AKAP7: variants seen among roughly 807,000 people sequenced by gnomAD.
AKAP7 encodes A-kinase anchoring protein 7, also known as A kinase (PRKA) anchor protein 7.
A neutral mutation model predicts 39.5 loss-of-function variants in AKAP7; 39 were observed. The ratio of observed to expected loss-of-function variants is 0.99; its 90% CI spans 0.76 to 1.29. AKAP7 has a LOEUF of 1.29. Ranked by LOEUF, AKAP7 falls within the 50% of genes most tolerant of loss-of-function variation. The pLI is 0.00. For missense variants in AKAP7, 414 were observed against 407.7 expected (o/e 1.02, Z -0.13); for synonymous variants, 140 against 139.1 (o/e 1.01, Z -0.05).
In AKAP7 at chr6:131,145,293, A is replaced by C; in HGVS notation, c.28A>C (p.Asn10His). The change falls in exon 2 of 8, where the codon AAT becomes CAT. Residue 10 changes from asparagine (N) to histidine (H), a missense_variant. Transcript: ENST00000431975. The stretch of plus-strand genomic sequence containing the variant: ...TTTGTGATATGTTAAAGGAGGAATT[A>C]ATTCCAATGAGTGTGAAAATGTATC... MERPEAGGI[N>H]SNECENVSRK... The C allele has an allele frequency of 6.6e-7, 1 of 1,505,546 alleles. No individual in the cohort carries two copies. 93.3% of individuals were successfully genotyped at this position (1,505,546 alleles called of 1,614,324 possible). A position where few individuals can be genotyped will look rare whatever the true frequency, so the allele number is the denominator to read the frequency against.
intron 7 of AKAP7, among the ~76,000 whole-genome samples, chr6:131,220,048 T>G (rs1038375928): frequency 6.6e-6 from 1 of 152,214 alleles, no homozygotes; most frequent in Non-Finnish European, 1.5e-5. Flanking sequence ...ATAATTATAA[T>G]GAAGTCTGGA....
chr6:131,195,105 TCTC>T (rs1186535619), intron 5 of AKAP7, among the ~76,000 whole-genome samples: 1 of 152,146 alleles, frequency 6.6e-6, no homozygotes, highest in Non-Finnish European at 1.5e-5. Context: ...TTTGTGGTCC[TCTC>T]CTCCTCCTTT....
upstream of AKAP7, among the ~76,000 whole-genome samples, chr6:131,131,754 G>A (rs999033597): frequency 1.3e-5 from 2 of 152,074 alleles, no homozygotes; most frequent in Non-Finnish European, 2.9e-5. Flanking sequence ...CCAAGTAGAA[G>A]GGTGGGGTCA....
rs567017283 is a variant in AKAP7, at chr6:131,187,255, A to T, written c.590-12206A>T. Among the ~76,000 whole-genome samples the T allele has an allele frequency of 1.5e-4, 23 of 152,292 alleles. No homozygotes were observed. In the South Asian group the frequency reaches 4.3e-3, roughly 29 times the overall value. Reference sequence around the variant, plus strand: ...ATGTTGTCCTTCGGTTCATTAAAACAGGCAGGATGTCTTTTCATTTATTTG... The same window carrying T: ...ATGTTGTCCTTCGGTTCATTAAAACTGGCAGGATGTCTTTTCATTTATTTG... On this transcript the variant is annotated intron_variant, in intron 5 of 7. Transcript: ENST00000431975.
At chr6:131,268,757 C>T (rs1435301154) in intron 7 of AKAP7, among the ~76,000 whole-genome samples, 1 of 152,102 alleles carries the variant, frequency 6.6e-6, no homozygotes, top group Non-Finnish European at 1.5e-5. Context: ...TTCTCATGAG[C>T]AGGTGTGTTG....
At chr6:131,256,593 G>C (rs996476628) in intron 7 of AKAP7, among the ~76,000 whole-genome samples, 5 of 152,076 alleles carry the variant, frequency 3.3e-5, no homozygotes, top group Non-Finnish European at 7.4e-5. Context: ...GTGTGATGTG[G>C]TCTGTCCTGT....
intron 7 of AKAP7, among the ~76,000 whole-genome samples, chr6:131,267,951 T>C (rs1328012397): frequency 1.3e-5 from 2 of 151,802 alleles, no homozygotes; most frequent in Admixed American, 1.3e-4. Context: ...ACAATGCTTA[T>C]CACAAAAGAG....
chr6:131,263,456 G>A (rs1228015412), intron 7 of AKAP7, among the ~76,000 whole-genome samples: 1 of 152,132 alleles, frequency 6.6e-6, no homozygotes, highest in African/African-American at 2.4e-5. Flanking sequence ...TTGAGGAAAG[G>A]TACAGGTTGT....
intron 7 of AKAP7, among the ~76,000 whole-genome samples, chr6:131,224,917 AT>A (rs572456427): frequency 2.0e-5 from 3 of 147,804 alleles, no homozygotes; most frequent in Non-Finnish European, 1.5e-5. Context: ...TGCCCGGCTA[AT>A]TTTTTTTTTA....
chr6:131,253,244 T>C (rs1199228577), intron 7 of AKAP7: 4 of 811,208 alleles, frequency 4.9e-6, no homozygotes, highest in Non-Finnish European at 7.5e-6. Flanking sequence ...TAGCAAATGA[T>C]GATTTTTTTA....
intron 2 of AKAP7, among the ~76,000 whole-genome samples, chr6:131,146,719 C>G (rs1562862179): frequency 1.3e-5 from 2 of 152,148 alleles, no homozygotes; most frequent in Non-Finnish European, 2.9e-5. Flanking sequence ...CATAACAAAT[C>G]ATCTGCTTTA....
intron 7 of AKAP7, among the ~76,000 whole-genome samples, chr6:131,274,137 T>C (rs919897912): frequency 2.0e-5 from 3 of 152,156 alleles, no homozygotes; most frequent in African/African-American, 7.2e-5. Flanking sequence ...GCGTCTTTTT[T>C]CTTTGGCTGT....
chr6:131,190,410 A>G (rs1402229343), intron 5 of AKAP7, among the ~76,000 whole-genome samples: 1 of 152,172 alleles, frequency 6.6e-6, no homozygotes, highest in Non-Finnish European at 1.5e-5. Context: ...TGGGAAGCCA[A>G]GGCGGGCAGA....
At chr6:131,267,428 G>A (rs1813894629) in intron 7 of AKAP7, among the ~76,000 whole-genome samples, 1 of 152,188 alleles carries the variant, frequency 6.6e-6, no homozygotes, top group Admixed American at 6.5e-5. Context: ...GTTGAAATAA[G>A]CAACCTTGAA....
chr6:131,218,990 T>A (rs1341779115), intron 6 of AKAP7, among the ~76,000 whole-genome samples: 1 of 152,174 alleles, frequency 6.6e-6, no homozygotes, highest in Non-Finnish European at 1.5e-5. Flanking sequence ...TCTATTTCGC[T>A]GGGCGCAGTG....
intron 5 of AKAP7, among the ~76,000 whole-genome samples, chr6:131,170,256 C>G (rs1004942019): frequency 6.7e-6 from 1 of 149,504 alleles, no homozygotes; most frequent in Non-Finnish European, 1.5e-5. Flanking sequence ...ATGTAACTAA[C>G]CTGCACATTG....
chr6:131,165,295 G>A, intron 4 of AKAP7, 78 bp downstream of exon 4: 1 of 1,084,422 alleles, frequency 9.2e-7, no homozygotes, highest in East Asian at 2.6e-5. Flanking sequence ...AACCCAAAGA[G>A]ACATTCTAAA....
chr6:131,179,168 G>GT (rs145633324), intron 5 of AKAP7, among the ~76,000 whole-genome samples: 19 of 150,364 alleles, frequency 1.3e-4, no homozygotes, highest in African/African-American at 2.4e-4. Context: ...TGTCTATTCG[G>GT]TTTTTTTTTT....
At position 131,135,686 on chromosome 6, in the gene AKAP7, C is replaced by T. The variant is rs1800471804; in HGVS notation, c.-78C>T. On this transcript the variant is annotated 5_prime_UTR_variant, in exon 1 of 8. Coordinates refer to ENST00000431975, the MANE Select transcript of AKAP7 (RefSeq NM_016377.4). ...GCCCCGCCCTGGCCTCCGCCTCGGC[C>T]TCGCCTCCAGCCCCGGGACGCGGCC... is the stretch of plus-strand genomic sequence containing the variant. The T allele has an allele frequency of 8.9e-7, 1 of 1,129,570 alleles. No individual in the cohort carries two copies. The highest frequency in any genetic ancestry group is 4.6e-5 in the East Asian group (1 of 21,852). The allele number at this position is 1,129,570 out of a possible 1,614,324, so 70.0% of individuals were successfully genotyped here. A position where few individuals can be genotyped will look rare whatever the true frequency, so the allele number is the denominator to read the frequency against.
Sources: gnomAD v4.1 joint callset for allele counts (sites outside exome capture counted in the v4.1 genomes callset) on GRCh38, gnomAD v4.1.1 for gene constraint, MANE v1.5 for transcripts, NCBI Gene and HGNC (gene_info 2026-07-23, HGNC 2026-07-21) for gene names.